Variants in MYO3A observed in about 807,000 individuals in gnomAD.
The protein encoded by MYO3A is myosin-IIIa.
A neutral mutation model predicts 192.7 loss-of-function variants in MYO3A; 180 were observed. The observed-to-expected ratio is 0.93, with a 90% CI of 0.83 to 1.06. The LOEUF (loss-of-function observed/expected upper bound fraction) is 1.06, where lower values mean the gene tolerates loss of function less well. Among genes scored for constraint, MYO3A ranks in the 50% least tolerant of loss-of-function variants. The probability of loss-of-function intolerance (pLI) is 0.00; values close to 1 mark genes in which losing one functional copy is unlikely to be tolerated. For synonymous variants in MYO3A, 628 were observed against 645.3 expected, an observed-to-expected ratio of 0.97 and a Z score of 0.41; for missense variants, 1,896 against 1,905.0, an observed-to-expected ratio of 1.00 and a Z score of 0.09.
chr10:26,057,738 TAGTC>T (rs1380718362), intron 10 of MYO3A, among the ~76,000 whole-genome samples: 1 of 152,200 alleles, frequency 6.6e-6, no homozygotes, highest in East Asian at 1.9e-4. Flanking sequence ...TTGGATCTAT[TAGTC>T]AGTGCCCTGG....
intron 31 of MYO3A, among the ~76,000 whole-genome samples, chr10:26,182,780 C>T (rs1842671176): frequency 6.6e-6 from 1 of 152,142 alleles, no homozygotes; most frequent in Non-Finnish European, 1.5e-5. Flanking sequence ...TGGCTGTATC[C>T]ATAGTTGGTG....
chr10:26,014,134 G>A (rs2131028802), intron 6 of MYO3A, among the ~76,000 whole-genome samples: 1 of 152,074 alleles, frequency 6.6e-6, no homozygotes, highest in South Asian at 2.1e-4. Flanking sequence ...AGAGTGAGCG[G>A]GAGTGGGGCT....
At chr10:25,944,782 A>G (rs1836731706) in intron 2 of MYO3A, among the ~76,000 whole-genome samples, 1 of 151,942 alleles carries the variant, frequency 6.6e-6, no homozygotes, top group African/African-American at 2.4e-5. Context: ...TTAGTTATTT[A>G]TGTCCTCTCT....
chr10:26,055,643 T>G (rs1363164344), intron 10 of MYO3A, among the ~76,000 whole-genome samples: 1 of 152,174 alleles, frequency 6.6e-6, no homozygotes, highest in Non-Finnish European at 1.5e-5. Context: ...GAAAAATCCC[T>G]TTGTGTTTAC....
chr10:26,050,899 G>C (rs1488807102), intron 10 of MYO3A, among the ~76,000 whole-genome samples: 2 of 152,170 alleles, frequency 1.3e-5, no homozygotes, highest in Non-Finnish European at 2.9e-5. Context: ...CCTCTTAACA[G>C]GTAGGATTGT....
At chr10:26,120,611 C>A in intron 17 of MYO3A, 65 bp from the exon 18 acceptor site, 1 of 1,608,610 alleles carries the variant, frequency 6.2e-7, no homozygotes, top group Admixed American at 1.7e-5. Context: ...CTGTCCCCAG[C>A]CATAGTCACT....
At chr10:26,118,104 C>G (rs918790121) in intron 17 of MYO3A, among the ~76,000 whole-genome samples, 2 of 152,070 alleles carry the variant, frequency 1.3e-5, no homozygotes, top group Non-Finnish European at 2.9e-5. Flanking sequence ...TGACATTGAG[C>G]TTTTTTCATG....
intron 4 of MYO3A, among the ~76,000 whole-genome samples, chr10:25,988,487 G>T (rs1167390917): frequency 6.6e-6 from 1 of 152,228 alleles, no homozygotes; most frequent in Non-Finnish European, 1.5e-5. Context: ...TAGAGGGGCT[G>T]CAGATGGTAT....
chr10:26,012,391 A>C (rs1385928208), intron 6 of MYO3A, among the ~76,000 whole-genome samples: 1 of 152,342 alleles, frequency 6.6e-6, no homozygotes, highest in East Asian at 1.9e-4. Context: ...AATTCAGTCA[A>C]GTCTTAGGTT....
chr10:26,209,902 C>T (rs1009734362), intron 34 of MYO3A, among the ~76,000 whole-genome samples: 7 of 152,068 alleles, frequency 4.6e-5, no homozygotes, highest in Middle Eastern at 3.4e-3. Flanking sequence ...CAAGACCAGC[C>T]GGGGTAACAT....
At chr10:25,947,652 CAA>C (rs1369959075) in intron 2 of MYO3A, among the ~76,000 whole-genome samples, 1 of 152,100 alleles carries the variant, frequency 6.6e-6, no homozygotes, top group Non-Finnish European at 1.5e-5. Context: ...CTCTACCTCC[CAA>C]AGTGTTGGGA....
At chr10:26,203,317 T>A (rs1843762884) in intron 34 of MYO3A, among the ~76,000 whole-genome samples, 1 of 152,174 alleles carries the variant, frequency 6.6e-6, no homozygotes, top group Admixed American at 6.5e-5. Context: ...AAACTGAGTT[T>A]TTATCTGTTT....
intron 4 of MYO3A, among the ~76,000 whole-genome samples, chr10:25,956,498 T>A (rs1172655954): frequency 1.4e-5 from 2 of 146,840 alleles, no homozygotes; most frequent in East Asian, 3.9e-4. Flanking sequence ...CAGCTAAATT[T>A]TTTTTTTTTT....
At chr10:25,936,821 C>G (rs971121834) in intron 2 of MYO3A, among the ~76,000 whole-genome samples, 1 of 152,010 alleles carries the variant, frequency 6.6e-6, no homozygotes, top group Admixed American at 6.6e-5. Flanking sequence ...AAGGGCTTCT[C>G]CTGATAATTA....
chr10:26,175,646 A>G lies in MYO3A; in HGVS notation c.4294-1055A>G, dbSNP rs566378319. ...TTCTAGCTGTCAGTAGAGATCTGCC[A>G]TTTTTAATTTACCCATCCCCTTCCT... is the stretch of plus-strand genomic sequence containing the variant. On this transcript the variant is annotated intron_variant, in intron 30 of 34. Transcript: ENST00000642920. Among the ~76,000 whole-genome samples, 25 of 152,284 alleles carry G rather than the reference A, an allele frequency of 1.6e-4. No individual in the cohort carries two copies. The South Asian group carries it at 4.8e-3, about 29-fold the overall frequency.
chr10:26,122,096 C>T (rs1331459719), intron 18 of MYO3A, among the ~76,000 whole-genome samples: 4 of 152,156 alleles, frequency 2.6e-5, no homozygotes, highest in Non-Finnish European at 4.4e-5. Flanking sequence ...CCCTACAACT[C>T]CATTGATAAG....
At chr10:26,075,696 GAT>G (rs368818805) in intron 14 of MYO3A, among the ~76,000 whole-genome samples, 7,977 of 133,922 alleles carry the variant, frequency 0.06, 344 homozygotes, top group Non-Finnish European at 0.085. Context: ...TCATATATAT[GAT>G]ATATATATGT....
chr10:26,146,952 T>C (rs1840500001), intron 22 of MYO3A, among the ~76,000 whole-genome samples: 1 of 151,480 alleles, frequency 6.6e-6, no homozygotes, highest in African/African-American at 2.4e-5. Context: ...ATCTCTAAAC[T>C]TTTTTTTAAG....
At position 25,952,102 on chromosome 10, in the gene MYO3A, A is replaced by G; in HGVS notation, c.-9A>G. On this transcript the variant is annotated 5_prime_UTR_variant, in exon 3 of 35. Coordinates refer to ENST00000642920, the MANE Select transcript of MYO3A (RefSeq NM_017433.5). ...GTACTTCTTATCTCCAGGTTTTTAA[A>G]CCTTTGAGATGTTTCCATTAATTGG... 3.1e-6 allele frequency: 5 copies of G among 1,606,548 alleles called. No homozygotes were observed. Among genetic ancestry groups the G allele is most frequent in the Non-Finnish European group, 4.3e-6 (5 of 1,174,392 alleles).
Sources: allele counts gnomAD v4.1 joint callset (sites outside exome capture counted in the v4.1 genomes callset), GRCh38; gene constraint gnomAD v4.1.1; transcripts MANE v1.5; gene names NCBI Gene and HGNC (gene_info 2026-07-23, HGNC 2026-07-21).